SEM1: variants seen among roughly 807,000 people sequenced by gnomAD.
The protein encoded by SEM1 is 26S proteasome complex subunit SEM1.
A neutral mutation model predicts 12.7 loss-of-function variants in SEM1; 3 were observed. The observed-to-expected ratio is 0.24, with a 90% CI of 0.11 to 0.61. The LOEUF is 0.61. Among genes scored for constraint, SEM1 ranks in the 20% least tolerant of loss-of-function variants. SEM1 has a pLI of 0.88. For synonymous variants in SEM1, 30 were observed against 27.8 expected (o/e 1.08, Z -0.25); for missense variants, 59 against 81.3 (o/e 0.73, Z 1.06).
intron 2 of SEM1, among the ~76,000 whole-genome samples, chr7:96,613,519 C>T (rs1584805710): frequency 6.6e-6 from 1 of 152,240 alleles, no homozygotes; most frequent in East Asian, 1.9e-4. Context: ...TCTATCACCT[C>T]AAATAATTAT....
intron 2 of SEM1, among the ~76,000 whole-genome samples, chr7:96,538,265 T>G (rs1394426308): frequency 6.6e-6 from 1 of 151,868 alleles, no homozygotes; most frequent in Admixed American, 6.6e-5. Flanking sequence ...CATCTGAATT[T>G]AAATTCCCAA....
chr7:96,646,537 A>G (rs1808799366), intron 2 of SEM1, among the ~76,000 whole-genome samples: 1 of 152,164 alleles, frequency 6.6e-6, no homozygotes, highest in African/African-American at 2.4e-5. Flanking sequence ...ATTTTTAAAT[A>G]TACAAACTAT....
In SEM1 at chr7:96,496,318, G is replaced by A. The variant is rs111967520; in HGVS notation, c.-23C>T. ...CATGTTCTTCCTTCAGAGCTGCATA[G>A]CATCATCTGATGTATTTGTTTCTCT... On this transcript the variant is annotated 5_prime_UTR_variant, in exon 1 of 4. Transcript: ENST00000356686. 14 of 1,503,182 alleles carry A rather than the reference G, an allele frequency of 9.3e-6. No individual in the cohort carries two copies. In the East Asian group the frequency reaches 2.5e-4, roughly 26 times the overall value. The allele number at this position is 1,503,182 out of a possible 1,614,324, so 93.1% of individuals were successfully genotyped here. A position where few individuals can be genotyped will look rare whatever the true frequency, so the allele number is the denominator to read the frequency against.
chr7:96,514,861 T>C (rs1804041221), intron 2 of SEM1, among the ~76,000 whole-genome samples: 1 of 149,320 alleles, frequency 6.7e-6, no homozygotes, highest in African/African-American at 2.5e-5. Flanking sequence ...ACCTTCAATA[T>C]AATCTCAATC....
At chr7:96,693,472 C>T (rs995933281) in intron 2 of SEM1, among the ~76,000 whole-genome samples, 5 of 151,894 alleles carry the variant, frequency 3.3e-5, no homozygotes, top group Admixed American at 2.0e-4. Context: ...CTATAAAGCT[C>T]TTAGAAGAAA....
chr7:96,541,311 T>C (rs1309871540), intron 2 of SEM1, among the ~76,000 whole-genome samples: 1 of 151,762 alleles, frequency 6.6e-6, no homozygotes, highest in Admixed American at 6.6e-5. Flanking sequence ...TGTCTCTTAG[T>C]GGTTTTTATT....
rs894114258 is a variant in SEM1 at position 96,557,114 on chromosome 7, A to G, written c.171-50416T>C. Reference sequence around the variant, plus strand: ...CTTCTACATTTTTTTCAAAGTTTTCAACTTCTTTTCCTTTGGTTTGAACGT... The same window carrying G: ...CTTCTACATTTTTTTCAAAGTTTTCGACTTCTTTTCCTTTGGTTTGAACGT... On this transcript the variant is annotated intron_variant and NMD_transcript_variant, in intron 2 of 3. Transcript: ENST00000466986. Among the ~76,000 whole-genome samples the G allele has an allele frequency of 1.7e-3, 251 of 149,280 alleles. 1 individual carries two copies. Among genetic ancestry groups the G allele is most frequent in the Middle Eastern group, 3.4e-3 (1 of 292 alleles).
At chr7:96,606,682 T>G (rs1190853001) in intron 2 of SEM1, among the ~76,000 whole-genome samples, 1 of 152,222 alleles carries the variant, frequency 6.6e-6, no homozygotes, top group Non-Finnish European at 1.5e-5. Flanking sequence ...TGCATTGAGG[T>G]TGAAGCATAA....
intron 2 of SEM1, among the ~76,000 whole-genome samples, chr7:96,605,638 G>C (rs1431370089): frequency 5.9e-5 from 9 of 151,946 alleles, no homozygotes; most frequent in African/African-American, 2.2e-4. Flanking sequence ...GAATTGATTT[G>C]CATCTATTTT....
intron 2 of SEM1, among the ~76,000 whole-genome samples, chr7:96,553,132 T>C (rs368657997): frequency 2.0e-4 from 31 of 152,192 alleles, no homozygotes; most frequent in African/African-American, 7.2e-4. Flanking sequence ...AATTTTCTCC[T>C]ATTTTGTAGG....
intron 2 of SEM1, among the ~76,000 whole-genome samples, chr7:96,558,861 C>T (rs1400560845): frequency 6.6e-6 from 1 of 152,132 alleles, no homozygotes; most frequent in African/African-American, 2.4e-5. Context: ...AAAAAAGGAG[C>T]ATGGTATTTG....
At chr7:96,620,697 C>T (rs925362289), downstream of SEM1, among the ~76,000 whole-genome samples, 4 of 152,184 alleles carry the variant, frequency 2.6e-5, no homozygotes, top group African/African-American at 4.8e-5. Context: ...ATTCTCTCCT[C>T]GATGATCTGT....
chr7:96,583,543 T>G (rs975308736), intron 2 of SEM1, among the ~76,000 whole-genome samples: 4 of 148,980 alleles, frequency 2.7e-5, no homozygotes, highest in Non-Finnish European at 5.9e-5. Flanking sequence ...CTTTCTGTCT[T>G]GTTGATCTGT....
At chr7:96,595,374 T>A (rs2116159146) in intron 2 of SEM1, among the ~76,000 whole-genome samples, 1 of 152,084 alleles carries the variant, frequency 6.6e-6, no homozygotes, top group South Asian at 2.1e-4. Context: ...CTGTCCAGCA[T>A]GGTGGTGTGC....
intron 2 of SEM1, among the ~76,000 whole-genome samples, chr7:96,522,891 CAAAA>C (rs540895823): frequency 2.3e-5 from 2 of 87,684 alleles, no homozygotes; most frequent in Admixed American, 2.8e-4. Context: ...AACTCCATCT[CAAAA>C]AAAAAAAAAA....
At chr7:96,523,843 CA>C (rs1200371565) in intron 2 of SEM1, among the ~76,000 whole-genome samples, 2 of 152,178 alleles carry the variant, frequency 1.3e-5, no homozygotes, top group African/African-American at 4.8e-5. Context: ...CCCAATGACA[CA>C]AACTTAAACA....
At chr7:96,554,568 C>G (rs1274496039) in intron 2 of SEM1, among the ~76,000 whole-genome samples, 1 of 149,872 alleles carries the variant, frequency 6.7e-6, no homozygotes, top group African/African-American at 2.5e-5. Flanking sequence ...GGTGGATAAG[C>G]TTTTTGATGT....
chr7:96,487,049 T>G (rs913792071), intron 1 of SEM1, among the ~76,000 whole-genome samples: 2 of 152,092 alleles, frequency 1.3e-5, no homozygotes, highest in African/African-American at 2.4e-5. Flanking sequence ...GAGGAAACGC[T>G]GGAGCTGGGA....
intron 2 of SEM1, among the ~76,000 whole-genome samples, chr7:96,534,398 A>G (rs1026597426): frequency 2.0e-5 from 3 of 152,088 alleles, no homozygotes; most frequent in African/African-American, 7.2e-5. Flanking sequence ...AACATTTGGA[A>G]AATCTATTTA....
Sources: allele counts gnomAD v4.1 joint callset (sites outside exome capture counted in the v4.1 genomes callset), GRCh38; gene constraint gnomAD v4.1.1; transcripts MANE v1.5; gene names NCBI Gene and HGNC (gene_info 2026-07-23, HGNC 2026-07-21).